WWOX: variants seen among roughly 807,000 people sequenced by gnomAD.
WWOX encodes WW domain-containing oxidoreductase.
In WWOX, 69 loss-of-function variants were observed where a neutral mutation model predicts 46.2. The ratio of observed to expected loss-of-function variants is 1.49; its 90% CI spans 1.23 to 1.82. The LOEUF (loss-of-function observed/expected upper bound fraction) is 1.82. WWOX is among the 40% of genes most tolerant of loss of function. The pLI, the probability that WWOX is intolerant of heterozygous loss-of-function variation, is 0.00. For synonymous variants in WWOX, 359 were observed against 202.6 expected, an observed-to-expected ratio of 1.77 and a Z score of -6.56; for missense variants, 919 against 542.6, an observed-to-expected ratio of 1.69 and a Z score of -6.89.
At chr16:78,349,588 C>T (rs34836001) in intron 5 of WWOX, among the ~76,000 whole-genome samples, 4,989 of 120,326 alleles carry the variant, frequency 0.041, 1,427 homozygotes, top group Non-Finnish European at 0.053. Context: ...AGGCCACCTT[C>T]ACAGCCTTGC....
chr16:78,729,557 C>G (rs1456945090), intron 8 of WWOX, among the ~76,000 whole-genome samples: 3 of 151,948 alleles, frequency 2.0e-5, no homozygotes, highest in African/African-American at 7.2e-5. Flanking sequence ...TCCACAAGCT[C>G]AGATATGCCT....
At chr16:78,738,985 C>T (rs183696952) in intron 8 of WWOX, among the ~76,000 whole-genome samples, 7 of 152,232 alleles carry the variant, frequency 4.6e-5, no homozygotes, top group East Asian at 1.9e-4. Context: ...CCTAGGAAGA[C>T]GTAGGTGATA....
rs762385549 is a variant in WWOX at position 78,958,385 on chromosome 16, T to C, written c.1057-253223T>C. On this transcript the variant is annotated intron_variant, in intron 8 of 8. Transcript: ENST00000566780. ...GATGGTACAAACCCCCATGGAAATA[T>C]ATACTTACTGTAAAAATGGATAGAG... Among the ~76,000 whole-genome samples, 8 of 152,220 alleles carry C rather than the reference T, an allele frequency of 5.3e-5. No individual in the cohort carries two copies. The South Asian group carries it at 1.4e-3, about 28-fold the overall frequency.
chr16:78,359,653 A>G (rs942076139), intron 5 of WWOX, among the ~76,000 whole-genome samples: 1 of 152,244 alleles, frequency 6.6e-6, no homozygotes, highest in African/African-American at 2.4e-5. Flanking sequence ...CTACAGAGAT[A>G]CCGTAACATT....
chr16:78,671,217 G>GGTGGATCAC (rs2047455561), intron 8 of WWOX, among the ~76,000 whole-genome samples: 1 of 152,162 alleles, frequency 6.6e-6, no homozygotes, highest in Non-Finnish European at 1.5e-5. Context: ...CAACCCAGGA[G>GGTGGATCAC]TTCGAGACCA....
intron 8 of WWOX, among the ~76,000 whole-genome samples, chr16:78,631,223 T>A (rs1446435129): frequency 6.6e-6 from 1 of 152,182 alleles, no homozygotes; most frequent in African/African-American, 2.4e-5. Context: ...AAATCACATT[T>A]AGGAGTGGAT....
intron 5 of WWOX, among the ~76,000 whole-genome samples, chr16:78,311,672 G>A (rs1172407163): frequency 6.6e-6 from 1 of 152,206 alleles, no homozygotes; most frequent in East Asian, 1.9e-4. Context: ...GAGATGGGGA[G>A]TAGGAGAAGA....
chr16:78,899,506 G>A (rs574465102), intron 8 of WWOX: 3 of 152,210 alleles, frequency 2.0e-5, no homozygotes, highest in East Asian at 3.9e-4. Flanking sequence ...CTCCATAAAT[G>A]TTAGTTATTA....
At chr16:78,451,805 TC>T (rs1313611016) in intron 8 of WWOX, among the ~76,000 whole-genome samples, 1 of 152,208 alleles carries the variant, frequency 6.6e-6, no homozygotes, top group Non-Finnish European at 1.5e-5. Flanking sequence ...GATTATCTGA[TC>T]CCCAAACATA....
At chr16:78,817,199 T>TTTTTTTTTC (rs1567580621) in intron 8 of WWOX, among the ~76,000 whole-genome samples, 1 of 144,602 alleles carries the variant, frequency 6.9e-6, no homozygotes. Flanking sequence ...TTTTTTTTTT[T>TTTTTTTTTC]CCTTCTTCAA....
intron 8 of WWOX, among the ~76,000 whole-genome samples, chr16:78,860,397 C>G (rs2052688238): frequency 6.6e-6 from 1 of 152,192 alleles, no homozygotes; most frequent in South Asian, 2.1e-4. Flanking sequence ...ATCTTGATGC[C>G]TCACATAAGA....
intron 8 of WWOX, among the ~76,000 whole-genome samples, chr16:79,075,830 C>G (rs2048645766): frequency 6.6e-6 from 1 of 152,124 alleles, no homozygotes; most frequent in African/African-American, 2.4e-5. Flanking sequence ...CAGCCTGTTT[C>G]CTTCCCTTAT....
intron 8 of WWOX, among the ~76,000 whole-genome samples, chr16:78,836,290 A>G (rs1017979046): frequency 1.3e-5 from 2 of 152,020 alleles, no homozygotes; most frequent in Admixed American, 1.3e-4. Context: ...CTAGGGAGGG[A>G]CAACTGGCAG....
At chr16:78,753,801 C>CAA (rs869066028) in intron 8 of WWOX, among the ~76,000 whole-genome samples, 15 of 29,140 alleles carry the variant, frequency 5.1e-4, no homozygotes, top group African/African-American at 1.6e-3. Flanking sequence ...GACCCTATAT[C>CAA]AAAAAAAAAA....
intron 4 of WWOX, among the ~76,000 whole-genome samples, chr16:78,121,589 G>A (rs960177899): frequency 3.3e-5 from 5 of 151,960 alleles, no homozygotes; most frequent in African/African-American, 1.2e-4. Context: ...TAATAGGGGT[G>A]TGTGTATGTT....
At chr16:78,160,094 T>C (rs1376648490) in intron 4 of WWOX, among the ~76,000 whole-genome samples, 2 of 152,184 alleles carry the variant, frequency 1.3e-5, no homozygotes, top group African/African-American at 4.8e-5. Flanking sequence ...ATTTCCATCG[T>C]TCTGCTTTCT....
intron 8 of WWOX, among the ~76,000 whole-genome samples, chr16:78,494,227 A>G (rs1446638259): frequency 6.6e-6 from 1 of 152,182 alleles, no homozygotes; most frequent in African/African-American, 2.4e-5. Flanking sequence ...GGGGATGGTG[A>G]TTAGAAAGCA....
chr16:79,161,346 C>T (rs1022141405), intron 8 of WWOX, among the ~76,000 whole-genome samples: 1 of 152,156 alleles, frequency 6.6e-6, no homozygotes, highest in African/African-American at 2.4e-5. Context: ...GTACTCCCTT[C>T]ATCCCACCTA....
chr16:79,098,634 T>A (rs1370718085), intron 8 of WWOX, among the ~76,000 whole-genome samples: 2 of 152,210 alleles, frequency 1.3e-5, no homozygotes, highest in Non-Finnish European at 2.9e-5. Flanking sequence ...GAAGAATGGT[T>A]TCATAGTGAA....
Sources: gnomAD v4.1 joint callset for allele counts (sites outside exome capture counted in the v4.1 genomes callset) on GRCh38, gnomAD v4.1.1 for gene constraint, MANE v1.5 for transcripts, NCBI Gene and HGNC (gene_info 2026-07-23, HGNC 2026-07-21) for gene names.